Variants in GRM7 observed in about 807,000 individuals in gnomAD.
GRM7 encodes the protein metabotropic glutamate receptor 7.
GRM7 carries 35 observed loss-of-function variants against 84.5 expected under a neutral mutation model. The ratio of observed to expected loss-of-function variants is 0.41; its 90% CI spans 0.32 to 0.55. GRM7 has a LOEUF of 0.55. GRM7 is among the 20% of genes least tolerant of loss of function. The pLI, the probability that GRM7 is intolerant of heterozygous loss-of-function variation, is 0.19. For synonymous variants in GRM7, 487 were observed against 455.1 expected, an observed-to-expected ratio of 1.07 and a Z score of -0.89; for missense variants, 1,003 against 1,194.6, an observed-to-expected ratio of 0.84 and a Z score of 2.36.
intron 4 of GRM7, among the ~76,000 whole-genome samples, chr3:7,357,308 A>T (rs1380463253): frequency 1.3e-5 from 2 of 151,984 alleles, no homozygotes; most frequent in East Asian, 3.9e-4. Flanking sequence ...AGGCTCCATG[A>T]CACCACTCTC....
intron 7 of GRM7, among the ~76,000 whole-genome samples, chr3:7,468,655 G>A (rs1272359327): frequency 6.6e-6 from 1 of 152,178 alleles, no homozygotes; most frequent in East Asian, 1.9e-4. Flanking sequence ...ATCCCCATGT[G>A]TTGAGGGGGC....
intron 7 of GRM7, among the ~76,000 whole-genome samples, chr3:7,465,098 C>T (rs7633170): frequency 8.5e-5 from 13 of 152,216 alleles, no homozygotes; most frequent in Middle Eastern, 3.4e-3. Context: ...CATATACTTT[C>T]GATTTTTGTT....
rs148544719 is a variant in GRM7 at position 7,104,094 on chromosome 3, G to A, written c.520-42358G>A. Among the ~76,000 whole-genome samples the A allele has an allele frequency of 5.1e-3, 777 of 151,066 alleles. 8 individuals are homozygous for A. Among genetic ancestry groups the A allele is most frequent in the African/African-American group, 0.018 (735 of 41,246 alleles). On this transcript the variant is annotated intron_variant, in intron 1 of 9. Coordinates refer to ENST00000357716, the MANE Select transcript of GRM7 (RefSeq NM_000844.4). ...TCTAAATGAGGTCATGAGGGTAGTC[G>A]TCTTATGATGGGATTAGTGCCCTTA...
intron 1 of GRM7, among the ~76,000 whole-genome samples, chr3:6,924,705 T>C (rs1370364121): frequency 6.6e-6 from 1 of 152,136 alleles, no homozygotes; most frequent in Admixed American, 6.5e-5. Flanking sequence ...TTTATAGATA[T>C]ATATAAACAC....
At chr3:7,707,774 C>G (rs1701435407) in intron 9 of GRM7, among the ~76,000 whole-genome samples, 1 of 152,148 alleles carries the variant, frequency 6.6e-6, no homozygotes, top group Admixed American at 6.5e-5. Context: ...TTTGTCTTTT[C>G]TTTAACTATG....
At chr3:7,061,125 C>T (rs1574849125) in intron 1 of GRM7, among the ~76,000 whole-genome samples, 1 of 151,872 alleles carries the variant, frequency 6.6e-6, no homozygotes, top group South Asian at 2.1e-4. Flanking sequence ...GAAGACCATA[C>T]TCCTTGTGTT....
At chr3:7,222,274 C>T (rs1696831228) in intron 2 of GRM7, among the ~76,000 whole-genome samples, 1 of 152,070 alleles carries the variant, frequency 6.6e-6, no homozygotes. Flanking sequence ...ATCATTGAAT[C>T]AAACACTACC....
intron 1 of GRM7, among the ~76,000 whole-genome samples, chr3:7,109,664 C>T (rs1184809738): frequency 6.6e-6 from 1 of 152,022 alleles, no homozygotes; most frequent in Non-Finnish European, 1.5e-5. Context: ...TCATTTCGTC[C>T]GCTATAGTGA....
At chr3:6,979,674 T>C (rs1694124283) in intron 1 of GRM7, among the ~76,000 whole-genome samples, 1 of 152,192 alleles carries the variant, frequency 6.6e-6, no homozygotes, top group African/African-American at 2.4e-5. Context: ...AATGACAGAT[T>C]ACAAATCATT....
intron 7 of GRM7, among the ~76,000 whole-genome samples, chr3:7,512,586 ATTT>A (rs55868423): frequency 0.1 from 15,135 of 145,192 alleles, 1,020 homozygotes; most frequent in African/African-American, 0.2. Flanking sequence ...TTTGTTTTAG[ATTT>A]TTTTTTTTTT....
chr3:7,159,309 C>A lies in GRM7; in HGVS notation c.736+12641C>A, dbSNP rs182024472. On this transcript the variant is annotated intron_variant, in intron 2 of 9. Coordinates refer to ENST00000357716, the MANE Select transcript of GRM7 (RefSeq NM_000844.4). ...CAGGTGAAATATGTATTCTAAAGGG[C>A]AAGAATATTACCTGGCTCAAGATCA... Among the ~76,000 whole-genome samples, 331 of 152,196 alleles carry A rather than the reference C, an allele frequency of 2.2e-3. 1 individual carries two copies. The highest frequency in any genetic ancestry group is 7.2e-3 in the African/African-American group (301 of 41,548).
chr3:7,674,315 C>T (rs1249775825), intron 8 of GRM7, among the ~76,000 whole-genome samples: 1 of 151,868 alleles, frequency 6.6e-6, no homozygotes, highest in Non-Finnish European at 1.5e-5. Context: ...CCTCAGCCTC[C>T]CGAGTAGCTG....
intron 2 of GRM7, among the ~76,000 whole-genome samples, chr3:7,160,071 C>T (rs1378155587): frequency 2.0e-5 from 3 of 152,082 alleles, no homozygotes; most frequent in Non-Finnish European, 2.9e-5. Flanking sequence ...TAAAGGCACA[C>T]AAACTTTACA....
chr3:7,400,436 G>C (rs1023099274), intron 4 of GRM7, among the ~76,000 whole-genome samples: 2 of 151,984 alleles, frequency 1.3e-5, no homozygotes, highest in Non-Finnish European at 2.9e-5. Flanking sequence ...CTCTTTATAC[G>C]GCAGACCCTC....
intron 5 of GRM7, among the ~76,000 whole-genome samples, chr3:7,439,481 G>T (rs1697196903): frequency 6.6e-6 from 1 of 152,264 alleles, no homozygotes; most frequent in Non-Finnish European, 1.5e-5. Flanking sequence ...AACACCTTTT[G>T]TCCCTGCCCA....
intron 2 of GRM7, among the ~76,000 whole-genome samples, chr3:7,286,086 T>A (rs1185710430): frequency 6.6e-6 from 1 of 152,190 alleles, no homozygotes; most frequent in Non-Finnish European, 1.5e-5. Context: ...GATATTTGAA[T>A]GAGAAGAAAC....
chr3:7,040,192 C>G (rs2124939811), intron 1 of GRM7, among the ~76,000 whole-genome samples: 1 of 152,268 alleles, frequency 6.6e-6, no homozygotes, highest in East Asian at 1.9e-4. Flanking sequence ...GTTCTAGTTC[C>G]AGCGTCTCTA....
chr3:6,936,981 T>C (rs1242264600), intron 1 of GRM7, among the ~76,000 whole-genome samples: 3 of 152,216 alleles, frequency 2.0e-5, no homozygotes, highest in Non-Finnish European at 2.9e-5. Context: ...TGGCAAATGA[T>C]GAACACACTT....
chr3:7,078,366 C>T (rs1025591417), intron 1 of GRM7, among the ~76,000 whole-genome samples: 9 of 152,072 alleles, frequency 5.9e-5, no homozygotes, highest in African/African-American at 1.9e-4. Flanking sequence ...GGGGTATTTG[C>T]GTATCATAGT....
Sources: gnomAD v4.1 joint callset for allele counts (sites outside exome capture counted in the v4.1 genomes callset) on GRCh38, gnomAD v4.1.1 for gene constraint, MANE v1.5 for transcripts, NCBI Gene and HGNC (gene_info 2026-07-23, HGNC 2026-07-21) for gene names.